The following LBR variants were observed in gnomAD, a reference collection of about 807,000 sequenced individuals.
LBR encodes the protein lamin B receptor.
LBR carries 28 observed loss-of-function variants against 74.3 expected under a neutral mutation model. That is an observed-to-expected ratio of 0.38 (90% confidence interval 0.28 to 0.52). LBR has a LOEUF of 0.52. Among genes scored for constraint, LBR ranks in the 20% least tolerant of loss-of-function variants. The pLI is 0.89. For synonymous variants in LBR, 228 were observed against 269.3 expected, an observed-to-expected ratio of 0.85 and a Z score of 1.50; for missense variants, 717 against 760.3, an observed-to-expected ratio of 0.94 and a Z score of 0.67.
rs371800562 is a variant in LBR at position 225,420,203 on chromosome 1, C to A, written c.367-405G>T. On this transcript the variant is annotated intron_variant, in intron 3 of 13. Coordinates refer to ENST00000272163, the MANE Select transcript of LBR (RefSeq NM_002296.4). ...CGGGCACCTGTAATTCCAGCTACTT[C>A]GGAAGCTGAGGCAGGAAAATCTCTT... Among the ~76,000 whole-genome samples, 201 of 151,026 alleles carry A rather than the reference C, an allele frequency of 1.3e-3. 1 individual carries two copies. The highest frequency in any genetic ancestry group is 4.8e-3 in the African/African-American group (198 of 41,192).
chr1:225,422,062 G>A lies in LBR; in HGVS notation c.366+15C>T, dbSNP rs1400590947. The A allele has an allele frequency of 6.2e-7, 1 of 1,611,666 alleles. No individual in the cohort carries two copies. The highest frequency in any genetic ancestry group is 1.7e-5 in the Admixed American group (1 of 60,018). On this transcript the variant is annotated intron_variant, in intron 3 of 13. Coordinates refer to ENST00000272163, the MANE Select transcript of LBR (RefSeq NM_002296.4). Reference sequence around the variant, plus strand: ...AGCGGAAGACAAAAGGCTGTATAAGGATAAACACAAGTACCAGAATCAGCG... The same window carrying A: ...AGCGGAAGACAAAAGGCTGTATAAGAATAAACACAAGTACCAGAATCAGCG...
intron 3 of LBR, among the ~76,000 whole-genome samples, chr1:225,420,115 C>T (rs912035600): frequency 2.0e-5 from 3 of 152,110 alleles, no homozygotes; most frequent in Non-Finnish European, 4.4e-5. Flanking sequence ...CAAGACCAGC[C>T]TGGCCAACAT....
chr1:225,405,307 C>T (rs1320044191), intron 11 of LBR, among the ~76,000 whole-genome samples: 1 of 152,184 alleles, frequency 6.6e-6, no homozygotes, highest in East Asian at 1.9e-4. Flanking sequence ...ATTATATAGT[C>T]GATCCTCAAT....
intron 2 of LBR, among the ~76,000 whole-genome samples, chr1:225,423,441 C>A (rs943323796): frequency 1.3e-5 from 2 of 151,960 alleles, no homozygotes; most frequent in Non-Finnish European, 2.9e-5. Context: ...GCTTAGCCCT[C>A]CCCTACCACC....
chr1:225,417,732 C>T lies in LBR; in HGVS notation c.837+252G>A, dbSNP rs561166776. The T allele has an allele frequency of 3.7e-4, 129 of 350,908 alleles. 1 individual carries two copies. In the South Asian group the frequency reaches 6.6e-3, roughly 18 times the overall value. The allele number at this position is 350,908 out of a possible 1,614,324, so 21.7% of individuals were successfully genotyped here. ...CAATCAGATTTTTTTTTAAGTTCCT[C>T]CTAATAAGCAAGTGTTATACAGACA... On this transcript the variant is annotated intron_variant, in intron 6 of 13. Coordinates refer to ENST00000272163, the MANE Select transcript of LBR (RefSeq NM_002296.4).
intron 6 of LBR, among the ~76,000 whole-genome samples, chr1:225,416,606 T>C (rs1222963722): frequency 1.3e-5 from 2 of 152,230 alleles, no homozygotes; most frequent in Non-Finnish European, 2.9e-5. Context: ...AGGAGTCTAG[T>C]AAATGCTGTG....
chr1:225,409,323 G>A (rs1242354872), intron 10 of LBR, among the ~76,000 whole-genome samples: 1 of 152,142 alleles, frequency 6.6e-6, no homozygotes, highest in Non-Finnish European at 1.5e-5. Context: ...TAAATAACAA[G>A]GAGATCATCG....
chr1:225,416,961 C>T (rs1409844754), intron 6 of LBR, among the ~76,000 whole-genome samples: 2 of 152,058 alleles, frequency 1.3e-5, no homozygotes, highest in Admixed American at 1.3e-4. Context: ...AACCACTCCC[C>T]AAGGATATCA....
intron 2 of LBR, among the ~76,000 whole-genome samples, chr1:225,423,470 G>A (rs1021480584): frequency 2.6e-5 from 4 of 150,954 alleles, no homozygotes; most frequent in Admixed American, 2.6e-4. Flanking sequence ...GCACTTGGCT[G>A]ACTGTGTCCC....
chr1:225,424,833 G>C (rs2096136043), intron 1 of LBR, among the ~76,000 whole-genome samples: 1 of 152,190 alleles, frequency 6.6e-6, no homozygotes, highest in Non-Finnish European at 1.5e-5. Context: ...TGCCACTTAC[G>C]TGAGGCCTGT....
chr1:225,405,129 T>C (rs1485854296), intron 11 of LBR, among the ~76,000 whole-genome samples: 2 of 152,228 alleles, frequency 1.3e-5, no homozygotes, highest in South Asian at 2.1e-4. Flanking sequence ...CTGTTAGTTA[T>C]ACCTACTGGC....
At chr1:225,420,309 C>CA (rs35741344) in intron 3 of LBR, among the ~76,000 whole-genome samples, 99,178 of 134,672 alleles carry the variant, frequency 0.74, 37,077 homozygotes, top group East Asian at 0.9. Flanking sequence ...AACTCCGCCT[C>CA]AAAAAAAAAA....
intron 11 of LBR, among the ~76,000 whole-genome samples, chr1:225,404,991 C>T (rs1307560922): frequency 6.6e-6 from 1 of 152,166 alleles, no homozygotes; most frequent in Non-Finnish European, 1.5e-5. Flanking sequence ...TAATCATCCA[C>T]CTAGGAAACG....
intron 7 of LBR, 151 bp from the exon 8 acceptor site, chr1:225,412,796 T>C (rs935148559): frequency 2.8e-6 from 2 of 723,826 alleles, no homozygotes; most frequent in South Asian, 3.7e-5. Flanking sequence ...AAATAAGCAA[T>C]GTCTGAGGTA....
chr1:225,412,792 G>T, intron 7 of LBR, 147 bp from the exon 8 acceptor site: 1 of 741,018 alleles, frequency 1.3e-6, no homozygotes, highest in Non-Finnish European at 2.2e-6. Context: ...ATGCAAATAA[G>T]CAATGTCTGA....
chr1:225,422,673 A>C (rs1464504004), intron 2 of LBR, among the ~76,000 whole-genome samples: 1 of 152,150 alleles, frequency 6.6e-6, no homozygotes, highest in Non-Finnish European at 1.5e-5. Flanking sequence ...ACTCTGAACA[A>C]AACACATAAG....
At chr1:225,411,108 T>C (rs982758613) in intron 9 of LBR, among the ~76,000 whole-genome samples, 1 of 152,200 alleles carries the variant, frequency 6.6e-6, no homozygotes, top group Non-Finnish European at 1.5e-5. Flanking sequence ...TAAACTGATA[T>C]AATAAAAATA....
chr1:225,419,488 G>C (rs745770068), intron 4 of LBR, 36 bp from the exon 5 acceptor site: 1 of 1,414,276 alleles, frequency 7.1e-7, no homozygotes, highest in South Asian at 1.2e-5. Flanking sequence ...TATCTGCAGT[G>C]AACAATTACC....
Position 225,419,466 on chromosome 1 carries a change from T to G in LBR, c.451-14A>C. 1 of 1,573,650 alleles carries G rather than the reference T, an allele frequency of 6.4e-7. No individual in the cohort carries two copies. The highest frequency in any genetic ancestry group is 1.3e-5 in the African/African-American group (1 of 74,420). ...ACTGAATTTTTCCTAAATGAAAAAT[T>G]TAAAAATTAAATATCTGCAGTGAAC... On this transcript the variant is annotated splice_polypyrimidine_tract_variant and intron_variant, in intron 4 of 13. Transcript: ENST00000272163.
Sources: allele counts gnomAD v4.1 joint callset (sites outside exome capture counted in the v4.1 genomes callset), GRCh38; gene constraint gnomAD v4.1.1; transcripts MANE v1.5; gene names NCBI Gene and HGNC (gene_info 2026-07-23, HGNC 2026-07-21).